Variants in BRI3BP observed in about 807,000 individuals in gnomAD.
BRI3BP encodes the protein BRI3 binding protein.
BRI3BP carries 7 observed loss-of-function variants against 15.8 expected under a neutral mutation model. The observed-to-expected ratio is 0.44, with a 90% CI of 0.25 to 0.83. BRI3BP has a LOEUF of 0.83. BRI3BP is among the 40% of genes least tolerant of loss of function. The pLI, the probability that BRI3BP is intolerant of heterozygous loss-of-function variation, is 0.20. For missense variants in BRI3BP, 320 were observed against 339.3 expected (o/e 0.94, Z 0.45); for synonymous variants, 192 against 163.5 (o/e 1.17, Z -1.33).
Position 125,012,671 on chromosome 12 carries a change from T to A in BRI3BP, c.316+35T>A, listed in dbSNP as rs1416343075. 2.0e-6 allele frequency: 3 copies of A among 1,509,056 alleles called. No homozygotes were observed. The African/African-American group carries it at 4.1e-5, about 21-fold the overall frequency. 93.5% of individuals were successfully genotyped at this position (1,509,056 alleles called of 1,614,324 possible). A position where few individuals can be genotyped will look rare whatever the true frequency, so the allele number is the denominator to read the frequency against. On this transcript the variant is annotated intron_variant, in intron 2 of 2. Transcript: ENST00000341446. ...GGGGTGGCATTCACGTAAGGTGTCA[T>A]TCTATTTTGGTGGTTCTCATAGTGT...
At position 125,025,109 on chromosome 12, in the gene BRI3BP, C is replaced by G. The variant is rs761451999; in HGVS notation, c.435C>G (p.Phe145Leu). Residue 145 changes from phenylalanine (F) to leucine (L), a missense_variant, in exon 3 of 3, where the codon TTC (phenylalanine) becomes TTG (leucine). By Grantham distance (22) the Phe-to-Leu change is conservative (BLOSUM62 0). Coordinates refer to ENST00000341446, the MANE Select transcript of BRI3BP (RefSeq NM_080626.6). ...AYWFLSLTLG[F>L]TFSVLHVVFG... ...GGTTCTTGTCCCTGACCCTGGGCTT[C>G]ACTTTCAGCGTCCTGCACGTGGTGT... 1.9e-6 allele frequency: 3 copies of G among 1,614,034 alleles called. No individual in the cohort carries two copies. The East Asian group carries it at 6.7e-5, about 36-fold the overall frequency.
rs1304212630 is a variant in BRI3BP, at chr12:125,030,167, C to A, written c.*4737C>A. ...CTTTTGATGAATGTCATCTGCCTTA[C>A]AAGTTGACACCTGATAACTTCTCCC... On this transcript the variant is annotated 3_prime_UTR_variant, in exon 3 of 3. Coordinates refer to ENST00000341446, the MANE Select transcript of BRI3BP (RefSeq NM_080626.6). 1 of 152,210 alleles carries A rather than the reference C, an allele frequency of 6.6e-6. No individual in the cohort carries two copies. The highest frequency in any genetic ancestry group is 1.5e-5 in the Non-Finnish European group (1 of 68,038). 9.4% of individuals were successfully genotyped at this position (152,210 alleles called of 1,614,324 possible). A position where few individuals can be genotyped will look rare whatever the true frequency, so the allele number is the denominator to read the frequency against.
chr12:125,025,401 G>A lies in BRI3BP; in HGVS notation c.727G>A (p.Glu243Lys), dbSNP rs774990208. ...LLNIRLNRVL[E>K]SLDRSKDK The stretch of plus-strand genomic sequence containing the variant: ...CAACATCCGTCTCAACCGGGTGCTC[G>A]AGAGCCTGGACCGCTCCAAGGACAA... The change falls in exon 3 of 3, where the codon GAG (glutamate) becomes AAG (lysine). Residue 243 changes from glutamate to lysine, a missense_variant. Transcript: ENST00000341446. 3.1e-6 allele frequency: 5 copies of A among 1,607,300 alleles called. No homozygotes were observed. The highest frequency in any genetic ancestry group is 1.7e-5 in the Admixed American group (1 of 59,322).
Position 125,022,541 on chromosome 12 carries a change from A to ATTTATTTATTTTTTTTT in BRI3BP, c.317-2447_317-2446insATTTATTTTTTTTTTTT. ...TTATTATTTATTTATTTATTTATTT[A>ATTTATTTATTTTTTTTT]TTTTTTGAGACAGAGCCTCACTGTG... On this transcript the variant is annotated intron_variant, in intron 2 of 2. Coordinates refer to ENST00000341446, the MANE Select transcript of BRI3BP (RefSeq NM_080626.6). Among the ~76,000 whole-genome samples the ATTTATTTATTTTTTTTT allele has an allele frequency of 1.2e-3, 174 of 139,420 alleles. 1 individual carries two copies. The highest frequency in any genetic ancestry group is 4.2e-3 in the African/African-American group (145 of 34,522). The allele number at this position is 139,420 out of a possible 152,430, so 91.5% of individuals were successfully genotyped here.
At chr12:125,002,766 T>C (rs1471515463) in intron 1 of BRI3BP, among the ~76,000 whole-genome samples, 1 of 152,162 alleles carries the variant, frequency 6.6e-6, no homozygotes, top group Non-Finnish European at 1.5e-5. Flanking sequence ...CAGAACTGTC[T>C]TTTGAAATGT....
chr12:125,025,614 A>G lies in BRI3BP; in HGVS notation c.*184A>G, dbSNP rs1250597925. The G allele has an allele frequency of 1.6e-6, 1 of 614,188 alleles. No homozygotes were observed. The highest frequency in any genetic ancestry group is 1.8e-5 in the African/African-American group (1 of 54,546). The allele number at this position is 614,188 out of a possible 1,614,324, so 38.0% of individuals were successfully genotyped here. ...GACACATTCCCAGAAGAGCGGAAAG[A>G]TCATTGACGTGGAACTACACACGAA... On this transcript the variant is annotated 3_prime_UTR_variant, in exon 3 of 3. Coordinates refer to ENST00000341446, the MANE Select transcript of BRI3BP (RefSeq NM_080626.6).
Position 124,999,314 on chromosome 12 carries a change from C to T in BRI3BP, c.213+5311C>T, listed in dbSNP as rs980120208. 5.9e-5 allele frequency among the ~76,000 whole-genome samples: 9 copies of T among 152,188 alleles called. 1 individual carries two copies. Among genetic ancestry groups the T allele is most frequent in the Non-Finnish European group, 1.5e-5 (1 of 68,040 alleles). ...CCACTACCGACCCGTCTACCACCCC[C>T]TTCCCCGAAGCAGCCAGATATTCTG... is the stretch of plus-strand genomic sequence containing the variant. On this transcript the variant is annotated intron_variant, in intron 1 of 2. Coordinates refer to ENST00000341446, the MANE Select transcript of BRI3BP (RefSeq NM_080626.6).
At chr12:125,032,383 A>G (rs1274511869), downstream of BRI3BP, among the ~76,000 whole-genome samples, 23 of 152,120 alleles carry the variant, frequency 1.5e-4, no homozygotes, top group Admixed American at 1.5e-3. Flanking sequence ...GCTTGAACCC[A>G]GGAGGTGGAA....
chr12:125,033,627 C>T (rs1002063005), downstream of BRI3BP, among the ~76,000 whole-genome samples: 22 of 152,046 alleles, frequency 1.4e-4, no homozygotes, highest in Non-Finnish European at 1.3e-4. Context: ...TCCTTGGGCC[C>T]GGCGTCAACC....
At chr12:125,041,164 G>C in the BRI3BP span, among the ~76,000 whole-genome samples, 1 of 152,074 alleles carries the variant, frequency 6.6e-6, no homozygotes, top group African/African-American at 2.4e-5. Flanking sequence ...TCCTGCCTCA[G>C]CCTGCCAAGT....
At chr12:125,041,431 T>C in the BRI3BP span, among the ~76,000 whole-genome samples, 1 of 152,324 alleles carries the variant, frequency 6.6e-6, no homozygotes, top group Non-Finnish European at 1.5e-5. Flanking sequence ...TTATTTCTAG[T>C]TGTGTTACTA....
At chr12:124,997,557 T>C (rs2135985706) in intron 1 of BRI3BP, among the ~76,000 whole-genome samples, 1 of 152,212 alleles carries the variant, frequency 6.6e-6, no homozygotes, top group South Asian at 2.1e-4. Context: ...TCAGAGGAGA[T>C]AAATTGGGGA....
intron 2 of BRI3BP, among the ~76,000 whole-genome samples, chr12:125,018,360 G>A (rs1955265189): frequency 6.6e-6 from 1 of 152,182 alleles, no homozygotes; most frequent in Admixed American, 6.6e-5. Flanking sequence ...TTTGGAGATG[G>A]GGTCATTGTG....
chr12:125,000,170 A>G (rs1594526809), intron 1 of BRI3BP, among the ~76,000 whole-genome samples: 2 of 127,586 alleles, frequency 1.6e-5, no homozygotes, highest in African/African-American at 5.5e-5. Context: ...TTTTTCCCCT[A>G]CCAACATTTT....
In BRI3BP at chr12:125,019,244, G is replaced by A. The variant is rs61943899; in HGVS notation, c.317-5747G>A. On this transcript the variant is annotated intron_variant, in intron 2 of 2. Coordinates refer to ENST00000341446, the MANE Select transcript of BRI3BP (RefSeq NM_080626.6). Reference sequence around the variant, plus strand: ...GCTGTCAGAACGTGCAGGGCCACTCGTGTTTTCTTTAGGATTTTCAGGGCC... The same window carrying A: ...GCTGTCAGAACGTGCAGGGCCACTCATGTTTTCTTTAGGATTTTCAGGGCC... Among the ~76,000 whole-genome samples, 1,074 of 152,182 alleles carry A rather than the reference G, an allele frequency of 7.1e-3. 12 individuals are homozygous for A. The highest frequency in any genetic ancestry group is 8.2e-3 in the Non-Finnish European group (560 of 68,010).
intron 1 of BRI3BP, among the ~76,000 whole-genome samples, chr12:125,002,606 G>A (rs527969085): frequency 2.0e-4 from 31 of 152,044 alleles, no homozygotes; most frequent in African/African-American, 6.5e-4. Flanking sequence ...ACAGGCACCC[G>A]CCACCACGCC....
chr12:125,002,749 C>G (rs760470847), intron 1 of BRI3BP, among the ~76,000 whole-genome samples: 4 of 152,184 alleles, frequency 2.6e-5, no homozygotes, highest in Non-Finnish European at 5.9e-5. Context: ...AGCCACCACA[C>G]CTGGCCCAGA....
downstream of BRI3BP, among the ~76,000 whole-genome samples, chr12:125,035,184 A>G (rs949432302): frequency 6.6e-6 from 1 of 152,094 alleles, no homozygotes; most frequent in Non-Finnish European, 1.5e-5. Context: ...CATACTTTTC[A>G]CTTCTCCCAG....
the BRI3BP span, among the ~76,000 whole-genome samples, chr12:125,044,020 T>TA: frequency 0.038 from 4,945 of 131,762 alleles, 107 homozygotes; most frequent in Non-Finnish European, 0.042. Flanking sequence ...GCAAGACATT[T>TA]AAAAAAAAAA....
Sources: gnomAD v4.1 joint callset for allele counts (sites outside exome capture counted in the v4.1 genomes callset) on GRCh38, gnomAD v4.1.1 for gene constraint, MANE v1.5 for transcripts, NCBI Gene and HGNC (gene_info 2026-07-23, HGNC 2026-07-21) for gene names.